The following SEMA6D variants were observed in gnomAD, a reference collection of about 807,000 sequenced individuals.
SEMA6D encodes the protein semaphorin 6D, also known as semaphorin-6D.
SEMA6D carries 35 observed loss-of-function variants against 106.6 expected under a neutral mutation model. The ratio of observed to expected loss-of-function variants is 0.33; its 90% CI spans 0.25 to 0.44. The LOEUF is 0.44. Ranked by LOEUF, SEMA6D falls within the 20% of genes least tolerant of loss-of-function variation. The probability of loss-of-function intolerance (pLI) is 1.00; values close to 1 mark genes in which losing one functional copy is unlikely to be tolerated. For missense variants in SEMA6D, 1,185 were observed against 1,345.9 expected (o/e 0.88, Z 1.87); for synonymous variants, 499 against 487.7 (o/e 1.02, Z -0.31).
intron 1 of SEMA6D, among the ~76,000 whole-genome samples, chr15:47,190,362 G>C (rs1259703859): frequency 1.3e-5 from 2 of 152,232 alleles, no homozygotes; most frequent in Admixed American, 6.5e-5. Flanking sequence ...AATTTACCAA[G>C]TGTATTAATT....
chr15:47,673,319 G>C (rs2078173809), intron 4 of SEMA6D, among the ~76,000 whole-genome samples: 1 of 152,318 alleles, frequency 6.6e-6, no homozygotes, highest in African/African-American at 2.4e-5. Flanking sequence ...CCACCAGGCT[G>C]TGAAGGATGA....
chr15:47,493,462 A>G (rs554899779), intron 3 of SEMA6D, among the ~76,000 whole-genome samples: 8 of 152,294 alleles, frequency 5.3e-5, no homozygotes, highest in African/African-American at 1.7e-4. Context: ...GCACTTTACA[A>G]TATATCTGAA....
At chr15:47,250,587 T>C (rs1015594614) in intron 1 of SEMA6D, among the ~76,000 whole-genome samples, 4 of 152,226 alleles carry the variant, frequency 2.6e-5, no homozygotes, top group African/African-American at 9.6e-5. Context: ...ATTTGGAAAT[T>C]GTATAAAATG....
intron 3 of SEMA6D, among the ~76,000 whole-genome samples, chr15:47,507,521 G>A (rs549896200): frequency 6.6e-5 from 10 of 152,312 alleles, no homozygotes; most frequent in African/African-American, 2.4e-4. Flanking sequence ...GTTGTTCTCA[G>A]GCATGCCTAC....
At chr15:47,200,673 A>G (rs942894734) in intron 1 of SEMA6D, among the ~76,000 whole-genome samples, 1 of 152,214 alleles carries the variant, frequency 6.6e-6, no homozygotes, top group Non-Finnish European at 1.5e-5. Context: ...AAAAGTACAC[A>G]TACAATTCCA....
intron 1 of SEMA6D, among the ~76,000 whole-genome samples, chr15:47,338,322 C>T (rs955205737): frequency 6.6e-6 from 1 of 152,094 alleles, no homozygotes; most frequent in East Asian, 1.9e-4. Flanking sequence ...CTCAAGTATT[C>T]CAAATACCTG....
chr15:47,738,968 C>T lies in SEMA6D; in HGVS notation c.-54-20777C>T, dbSNP rs149006329. ...AGCCTTAGTTCCTCTCCCTATGGGC[C>T]ACTTCATGAGGATGTCTTCACAAGC... On this transcript the variant is annotated intron_variant, in intron 1 of 18. Coordinates refer to ENST00000536845, the MANE Select transcript of SEMA6D (RefSeq NM_001358351.3). Among the ~76,000 whole-genome samples, 409 of 152,264 alleles carry T rather than the reference C, an allele frequency of 2.7e-3. 1 individual carries two copies. The highest frequency in any genetic ancestry group is 9.7e-3 in the African/African-American group (402 of 41,546).
intron 4 of SEMA6D, among the ~76,000 whole-genome samples, chr15:47,698,761 T>G (rs1407585195): frequency 1.3e-5 from 2 of 152,180 alleles, no homozygotes; most frequent in Non-Finnish European, 2.9e-5. Flanking sequence ...TGAGTTCTGC[T>G]GCAGCCACAG....
chr15:47,765,270 G>A (rs2082278568), intron 13 of SEMA6D: 1 of 1,326,622 alleles, frequency 7.5e-7, no homozygotes, highest in Non-Finnish European at 9.6e-7. Context: ...TAAAAATAAT[G>A]CAGCCCTTGT....
At chr15:47,502,863 C>T (rs2043900097) in intron 3 of SEMA6D, among the ~76,000 whole-genome samples, 1 of 152,194 alleles carries the variant, frequency 6.6e-6, no homozygotes, top group African/African-American at 2.4e-5. Context: ...ACTGTGATGT[C>T]TCCATAAAAG....
chr15:47,516,661 A>T (rs529292297), intron 3 of SEMA6D, among the ~76,000 whole-genome samples: 1 of 152,194 alleles, frequency 6.6e-6, no homozygotes, highest in Non-Finnish European at 1.5e-5. Context: ...CTGAATTAAT[A>T]TGTATCATAG....
intron 3 of SEMA6D, among the ~76,000 whole-genome samples, chr15:47,501,697 G>T (rs1029904603): frequency 6.6e-6 from 1 of 152,126 alleles, no homozygotes; most frequent in Non-Finnish European, 1.5e-5. Flanking sequence ...CATGGCCAAG[G>T]AGCTGAATAT....
chr15:47,710,487 A>G (rs2078994919), intron 4 of SEMA6D, among the ~76,000 whole-genome samples: 1 of 152,228 alleles, frequency 6.6e-6, no homozygotes, highest in South Asian at 2.1e-4. Context: ...GAAATTCAGA[A>G]CATATTGTGG....
At chr15:47,653,926 G>A (rs1701865894) in intron 4 of SEMA6D, among the ~76,000 whole-genome samples, 1 of 152,152 alleles carries the variant, frequency 6.6e-6, no homozygotes. Context: ...CAAATCTAAT[G>A]AGACTTACAT....
intron 2 of SEMA6D, among the ~76,000 whole-genome samples, chr15:47,442,716 T>C (rs1373834165): frequency 6.6e-6 from 1 of 152,142 alleles, no homozygotes; most frequent in Non-Finnish European, 1.5e-5. Context: ...AGATCTGGAA[T>C]GCCTGGGTTG....
intron 3 of SEMA6D, among the ~76,000 whole-genome samples, chr15:47,599,036 G>A (rs563404564): frequency 2.6e-5 from 4 of 152,042 alleles, no homozygotes; most frequent in East Asian, 1.9e-4. Flanking sequence ...AATCATACTC[G>A]CTGGAAAAGC....
chr15:47,346,485 G>A (rs1030736934), intron 1 of SEMA6D, among the ~76,000 whole-genome samples: 2 of 152,144 alleles, frequency 1.3e-5, no homozygotes, highest in Admixed American at 1.3e-4. Context: ...CCGGGCTGTA[G>A]CTGTGTTGTA....
chr15:47,567,416 A>G (rs1180935174), intron 3 of SEMA6D, among the ~76,000 whole-genome samples: 1 of 152,230 alleles, frequency 6.6e-6, no homozygotes, highest in South Asian at 2.1e-4. Flanking sequence ...GACATAGTAC[A>G]TGGATGAAAA....
chr15:47,188,116 A>G (rs1374625508), intron 1 of SEMA6D, among the ~76,000 whole-genome samples: 1 of 152,146 alleles, frequency 6.6e-6, no homozygotes, highest in Non-Finnish European at 1.5e-5. Context: ...AAAAATGGAT[A>G]TCGTCAATGT....
Sources: gnomAD v4.1 joint callset for allele counts (sites outside exome capture counted in the v4.1 genomes callset) on GRCh38, gnomAD v4.1.1 for gene constraint, MANE v1.5 for transcripts, NCBI Gene and HGNC (gene_info 2026-07-23, HGNC 2026-07-21) for gene names.